Variants in DEK observed in about 807,000 individuals in gnomAD.
DEK encodes protein DEK.
Under a neutral mutation model 46.8 loss-of-function variants are expected in DEK, and 28 were observed. That is an observed-to-expected ratio of 0.60 (90% confidence interval 0.44 to 0.82). The LOEUF (loss-of-function observed/expected upper bound fraction) is 0.82, where lower values mean the gene tolerates loss of function less well. Among genes scored for constraint, DEK ranks in the 40% least tolerant of loss-of-function variants. The probability of loss-of-function intolerance (pLI) is 0.00; values close to 1 mark genes in which losing one functional copy is unlikely to be tolerated. For synonymous variants in DEK, 160 were observed against 144.5 expected, an observed-to-expected ratio of 1.11 and a Z score of -0.77; for missense variants, 416 against 430.6, an observed-to-expected ratio of 0.97 and a Z score of 0.30.
Position 18,259,421 on chromosome 6 carries a change from A to G in DEK, c.146-1016T>C, listed in dbSNP as rs936539052. Among the ~76,000 whole-genome samples the G allele has an allele frequency of 1.9e-4, 28 of 148,476 alleles. 2 individuals carry two copies. The highest frequency in any genetic ancestry group is 2.0e-4 in the Admixed American group (3 of 14,944). On this transcript the variant is annotated intron_variant, in intron 2 of 10. Coordinates refer to ENST00000652689, the MANE Select transcript of DEK (RefSeq NM_003472.4). ...AAAAAAAAAAAAAAAAAAAAAAAAAAAAAAAAAAAAAATCTAGAAAACAGG... is the reference window on the plus strand; with the variant it reads ...AAAAAAAAAAAAAAAAAAAAAAAAAGAAAAAAAAAAAATCTAGAAAACAGG...
At chr6:18,226,972 G>GC (rs1474307324) in intron 9 of DEK, among the ~76,000 whole-genome samples, 2 of 152,122 alleles carry the variant, frequency 1.3e-5, no homozygotes, top group African/African-American at 4.8e-5. Flanking sequence ...CTTGAAGGCA[G>GC]CATGCTCGTT....
At chr6:18,229,554 C>T (rs1790309386) in intron 9 of DEK, among the ~76,000 whole-genome samples, 1 of 152,192 alleles carries the variant, frequency 6.6e-6, no homozygotes, top group Non-Finnish European at 1.5e-5. Context: ...GCGCTGAAAA[C>T]CATGGCACGA....
rs973890157 is a variant in DEK, at chr6:18,225,267, G to A, written c.*452C>T. 10 of 230,718 alleles carry A rather than the reference G, an allele frequency of 4.3e-5. No individual in the cohort carries two copies. Among genetic ancestry groups the A allele is most frequent in the East Asian group, 1.9e-4 (3 of 16,054 alleles). 14.3% of individuals were successfully genotyped at this position (230,718 alleles called of 1,614,324 possible). A position where few individuals can be genotyped will look rare whatever the true frequency, so the allele number is the denominator to read the frequency against. ...TTTTTAATATGATGGACACACTGCC[G>A]CTGAATTTTCACACTGACAGAGATG... On this transcript the variant is annotated 3_prime_UTR_variant, in exon 11 of 11. Transcript: ENST00000652689.
At chr6:18,258,710 G>A (rs966230874) in intron 2 of DEK, among the ~76,000 whole-genome samples, 5 of 151,712 alleles carry the variant, frequency 3.3e-5, no homozygotes, top group African/African-American at 7.3e-5. Context: ...CAGTCACTTC[G>A]TTTGTGAAAA....
At chr6:18,244,175 T>TA (rs763257747) in intron 7 of DEK, among the ~76,000 whole-genome samples, 21 of 152,042 alleles carry the variant, frequency 1.4e-4, no homozygotes, top group Non-Finnish European at 1.0e-4. Context: ...TAAGTTTTTT[T>TA]AAAAAAAGAA....
chr6:18,260,295 G>C (rs563844251), intron 2 of DEK, among the ~76,000 whole-genome samples: 3 of 152,224 alleles, frequency 2.0e-5, no homozygotes, highest in African/African-American at 7.2e-5. Context: ...TACATGTTCA[G>C]TACAGATGCA....
At chr6:18,226,125 CT>C (rs769576158) in intron 10 of DEK, 48 bp downstream of exon 10, 9 of 1,207,410 alleles carry the variant, frequency 7.5e-6, no homozygotes, top group Non-Finnish European at 9.9e-6. Flanking sequence ...TATGTAATTA[CT>C]TTTGTCTTAT....
At chr6:18,255,244 T>C (rs935279002) in intron 6 of DEK, among the ~76,000 whole-genome samples, 1 of 152,250 alleles carries the variant, frequency 6.6e-6, no homozygotes, top group Non-Finnish European at 1.5e-5. Context: ...TGGGCTCTGC[T>C]GCAGATTCTG....
In DEK at chr6:18,264,444, G is replaced by A. The variant is rs761658664; in HGVS notation, c.-69C>T. 2 of 277,994 alleles carry A rather than the reference G, an allele frequency of 7.2e-6. No individual in the cohort carries two copies. The highest frequency in any genetic ancestry group is 1.5e-5 in the Non-Finnish European group (2 of 136,564). The allele number at this position is 277,994 out of a possible 1,614,324, so 17.2% of individuals were successfully genotyped here. The stretch of plus-strand genomic sequence containing the variant: ...GGGCACGAGGAGGTTCTGGGAGGCG[G>A]CGGCGGCCGACGCCGAGGAGAAGGC... On this transcript the variant is annotated 5_prime_UTR_variant, in exon 1 of 11. Transcript: ENST00000652689.
rs1790065032 is a variant in DEK at position 18,225,346 on chromosome 6, C to T, written c.*373G>A. 1 of 251,298 alleles carries T rather than the reference C, an allele frequency of 4.0e-6. No homozygotes were observed. Among genetic ancestry groups the T allele is most frequent in the African/African-American group, 2.2e-5 (1 of 45,804 alleles). 15.6% of individuals were successfully genotyped at this position (251,298 alleles called of 1,614,324 possible). On this transcript the variant is annotated 3_prime_UTR_variant, in exon 11 of 11. Transcript: ENST00000652689. Reference sequence around the variant, plus strand: ...ACTACAATCTCTGTATGTATAAATCCTGGTGATAATAGTTTTTGTTCTACT... The same window carrying T: ...ACTACAATCTCTGTATGTATAAATCTTGGTGATAATAGTTTTTGTTCTACT...
At chr6:18,241,048 T>G (rs954878572) in intron 7 of DEK, among the ~76,000 whole-genome samples, 1 of 152,214 alleles carries the variant, frequency 6.6e-6, no homozygotes, top group Non-Finnish European at 1.5e-5. Context: ...TTTGGTAAAG[T>G]CTCTTTTTTA....
At chr6:18,234,062 T>C (rs1185509871) in intron 9 of DEK, among the ~76,000 whole-genome samples, 5 of 152,034 alleles carry the variant, frequency 3.3e-5, no homozygotes. Context: ...CTGGAAACCA[T>C]CATTCTCAGC....
chr6:18,230,149 A>C (rs1790345157), intron 9 of DEK, among the ~76,000 whole-genome samples: 1 of 152,198 alleles, frequency 6.6e-6, no homozygotes, highest in Non-Finnish European at 1.5e-5. Context: ...GTGAAGGAGA[A>C]ATAAAATCCT....
chr6:18,251,190 T>C (rs1791361373), intron 6 of DEK, among the ~76,000 whole-genome samples: 1 of 152,228 alleles, frequency 6.6e-6, no homozygotes, highest in Non-Finnish European at 1.5e-5. Context: ...ATTGAGCATC[T>C]TTTATATTCT....
At chr6:18,236,397 A>C in intron 9 of DEK, 55 bp downstream of exon 9, 4 of 1,567,600 alleles carry the variant, frequency 2.6e-6, no homozygotes, top group Non-Finnish European at 3.5e-6. Flanking sequence ...ATTCAGAGAT[A>C]AGTGAAAGAA....
At chr6:18,250,342 G>A (rs569412206) in intron 6 of DEK, among the ~76,000 whole-genome samples, 25 of 151,900 alleles carry the variant, frequency 1.6e-4, no homozygotes, top group Non-Finnish European at 3.2e-4. Flanking sequence ...GGTGGCGGGC[G>A]CCTGTAGCCC....
At chr6:18,258,695 C>A (rs1417821180) in intron 2 of DEK, among the ~76,000 whole-genome samples, 1 of 151,948 alleles carries the variant, frequency 6.6e-6, no homozygotes, top group Admixed American at 6.5e-5. Context: ...ATTGCCATTA[C>A]AGTCCAGTCA....
At position 18,236,434 on chromosome 6, in the gene DEK, A is replaced by C; in HGVS notation, c.1047+18T>G. On this transcript the variant is annotated intron_variant, in intron 9 of 10. Transcript: ENST00000652689. Reference sequence around the variant, plus strand: ...TTTTCTAGCAAAAGCAAAATAATCTAAACATTTGTCTAATTACCTTTTTGC... The same window carrying C: ...TTTTCTAGCAAAAGCAAAATAATCTCAACATTTGTCTAATTACCTTTTTGC... 1 of 1,605,406 alleles carries C rather than the reference A, an allele frequency of 6.2e-7. No individual in the cohort carries two copies. Among genetic ancestry groups the C allele is most frequent in the African/African-American group, 1.3e-5 (1 of 74,422 alleles).
chr6:18,225,906 T>G (rs1554156316), intron 10 of DEK, 176 bp from the exon 11 acceptor site: 1 of 786,858 alleles, frequency 1.3e-6, no homozygotes, highest in Non-Finnish European at 2.0e-6. Context: ...CTCAAGTATT[T>G]GTGAGAGCAA....
Sources: gnomAD v4.1 joint callset for allele counts (sites outside exome capture counted in the v4.1 genomes callset) on GRCh38, gnomAD v4.1.1 for gene constraint, MANE v1.5 for transcripts, NCBI Gene and HGNC (gene_info 2026-07-23, HGNC 2026-07-21) for gene names.